The following ATP1B4 variants were observed in gnomAD, a reference collection of about 807,000 sequenced individuals.
ATP1B4 encodes protein ATP1B4.
A neutral mutation model predicts 29.6 loss-of-function variants in ATP1B4; 32 were observed. The ratio of observed to expected loss-of-function variants is 1.08; its 90% confidence interval spans 0.82 to 1.45. ATP1B4 has a LOEUF of 1.45. Ranked by LOEUF, ATP1B4 falls within the 40% of genes most tolerant of loss-of-function variation. The pLI is 0.00. For synonymous variants in ATP1B4, 127 were observed against 102.1 expected, an observed-to-expected ratio of 1.24 and a Z score of -1.47; for missense variants, 323 against 276.2, an observed-to-expected ratio of 1.17 and a Z score of -1.20.
rs913697777 is a variant in ATP1B4 at position 120,374,244 on chromosome X, G to A, written c.563-1128G>A. Among the ~76,000 whole-genome samples the A allele has an allele frequency of 2.7e-5, 3 of 109,429 alleles. No homozygotes were observed. In the South Asian group the frequency reaches 1.2e-3, roughly 43 times the overall value. On this transcript the variant is annotated intron_variant, in intron 4 of 7. Coordinates refer to ENST00000218008, the MANE Select transcript of ATP1B4 (RefSeq NM_001142447.3). ...CCCCGCCAGTGGAGACAGTACCAGA[G>A]TCGGCCTCCAGCCCAAGAGAACTAG...
At chrX:120,371,304 C>A in intron 4 of ATP1B4, 94 bp downstream of exon 4, 1 of 664,315 alleles carries the variant, frequency 1.5e-6, no homozygotes, top group South Asian at 2.4e-5. Context: ...GAATCCCAGT[C>A]TTACTAACCC....
intron 6 of ATP1B4, among the ~76,000 whole-genome samples, chrX:120,377,588 G>T (rs1379861108): frequency 2.7e-5 from 3 of 112,318 alleles, no homozygotes; most frequent in African/African-American, 9.7e-5. Flanking sequence ...TAACTGGACA[G>T]AGTTCTACTT....
At chrX:120,374,255 G>A (rs1165309639) in intron 4 of ATP1B4, among the ~76,000 whole-genome samples, 1 of 108,684 alleles carries the variant, frequency 9.2e-6, no homozygotes, top group South Asian at 3.9e-4. Flanking sequence ...TCGGCCTCCA[G>A]CCCAAGAGAA....
At chrX:120,375,202 G>A (rs983503863) in intron 4 of ATP1B4, among the ~76,000 whole-genome samples, 170 bp from the exon 5 acceptor site, 2 of 90,317 alleles carry the variant, frequency 2.2e-5, no homozygotes, top group Non-Finnish European at 4.7e-5. Context: ...GATGGCTGCC[G>A]ATGAAGGCTG....
At chrX:120,374,960 C>G (rs1021712828) in intron 4 of ATP1B4, among the ~76,000 whole-genome samples, 1 of 101,801 alleles carries the variant, frequency 9.8e-6, no homozygotes, top group Non-Finnish European at 2.0e-5. Context: ...TTCAGTCCCT[C>G]TTCCAAAATC....
chrX:120,376,036 T>C (rs947630068), intron 5 of ATP1B4, among the ~76,000 whole-genome samples: 2 of 111,767 alleles, frequency 1.8e-5, no homozygotes, highest in Non-Finnish European at 3.8e-5. Context: ...TCTTATATCA[T>C]AAAAATGCAT....
chrX:120,362,487 T>G (rs2058267084), intron 1 of ATP1B4, among the ~76,000 whole-genome samples: 1 of 111,709 alleles, frequency 9.0e-6, no homozygotes, highest in Non-Finnish European at 1.9e-5. Context: ...TAACAGAGAA[T>G]AAGTGGCTTC....
Position 120,379,315 on chromosome X carries a change from T to C in ATP1B4, c.913-158T>C, listed in dbSNP as rs1186323931. On this transcript the variant is annotated intron_variant, in intron 7 of 7. Coordinates refer to ENST00000218008, the MANE Select transcript of ATP1B4 (RefSeq NM_001142447.3). Reference sequence around the variant, plus strand: ...GTATGATTTTCCCACACTTTCCCACTGCAAGGAGAGTATGTCTGTTGCTTT... The same window carrying C: ...GTATGATTTTCCCACACTTTCCCACCGCAAGGAGAGTATGTCTGTTGCTTT... Among the ~76,000 whole-genome samples the C allele has an allele frequency of 3.6e-5, 4 of 111,982 alleles. No individual in the cohort carries two copies. The Admixed American group carries it at 3.8e-4, about 11-fold the overall frequency.
At position 120,366,603 on chromosome X, in the gene ATP1B4, G is replaced by A. The variant is rs766686718; in HGVS notation, c.142G>A (p.Val48Met). The change falls in exon 2 of 8, where the codon GTG becomes ATG. Residue 48 changes from valine (V) to methionine (M), a missense_variant. Coordinates refer to ENST00000218008, the MANE Select transcript of ATP1B4 (RefSeq NM_001142447.3). ...EAEEEARVTVVPKSEEEEEEE... is the reference protein window; with the variant it reads ...EAEEEARVTVMPKSEEEEEEE... ...AGAAGAAGAGGCTCGGGTGACGGTG[G>A]TGCCCAAATCGGAGGAGGAGGAAGA... 5.8e-6 allele frequency: 7 copies of A among 1,203,956 alleles called. No homozygotes were observed. Among genetic ancestry groups the A allele is most frequent in the South Asian group, 3.5e-5 (2 of 56,729 alleles).
intron 3 of ATP1B4, 87 bp from the exon 4 acceptor site, chrX:120,371,019 C>A: frequency 9.7e-7 from 1 of 1,035,996 alleles, no homozygotes; most frequent in Non-Finnish European, 1.3e-6. Flanking sequence ...TTTTGATTGC[C>A]TGGGGGGAAA....
intron 6 of ATP1B4, 136 bp downstream of exon 6, chrX:120,376,572 G>T: frequency 5.8e-6 from 3 of 517,665 alleles, no homozygotes; most frequent in East Asian, 7.2e-5. Context: ...CCTCTCTTTA[G>T]TTCCTTCAGG....
At chrX:120,375,011 A>T (rs1452222279) in intron 4 of ATP1B4, among the ~76,000 whole-genome samples, 1 of 105,771 alleles carries the variant, frequency 9.5e-6, no homozygotes, top group Non-Finnish European at 1.9e-5. Flanking sequence ...AGTAGAAGGG[A>T]CAGCCTTCCA....
chrX:120,378,754 A>G lies in ATP1B4; in HGVS notation c.893A>G (p.Tyr298Cys). The part of the protein sequence containing the change: ...SASFDLRYYP[Y>C]YGKLTHVNYT... ...TCTTTTGACCTCCGCTACTACCCTTACTACGGCAAACTGACTCACGTAAGC... is the reference window on the plus strand; with the variant it reads ...TCTTTTGACCTCCGCTACTACCCTTGCTACGGCAAACTGACTCACGTAAGC... Residue 298 changes from tyrosine (Y) to cysteine (C), a missense_variant, in exon 7 of 8, where the codon TAC becomes TGC. Transcript: ENST00000218008. The G allele has an allele frequency of 8.3e-7, 1 of 1,208,799 alleles. No individual in the cohort carries two copies. Among genetic ancestry groups the G allele is most frequent in the Non-Finnish European group, 1.1e-6 (1 of 893,175 alleles).
intron 5 of ATP1B4, among the ~76,000 whole-genome samples, 162 bp from the exon 6 acceptor site, chrX:120,376,218 A>G (rs888419136): frequency 1.8e-5 from 2 of 111,617 alleles, no homozygotes; most frequent in Non-Finnish European, 3.8e-5. Flanking sequence ...AGCTCTGAAG[A>G]TGTTTTTCAT....
In ATP1B4 at chrX:120,371,164, C is replaced by T. The variant is rs376920861; in HGVS notation, c.516C>T (p.Pro172=). Residue 172 remains proline, a synonymous_variant, in exon 4 of 8, where the codon CCC becomes CCT. Transcript: ENST00000218008. The part of the protein sequence containing the change: ...SLNFNFNVSE[P]DTWQHYVISL... ...ACTTCAACTTCAACGTTTCTGAACC[C>T]GACACTTGGCAGCATTATGTGATTA... 8.3e-6 allele frequency: 10 copies of T among 1,210,965 alleles called. No individual in the cohort carries two copies. Among genetic ancestry groups the T allele is most frequent in the Admixed American group, 4.4e-5 (2 of 45,977 alleles).
rs1002514198 is a variant in ATP1B4, at chrX:120,362,337, C to T, written c.63+106C>T. ...GGTTTACGGCTGCCTCTCTTTGAGA[C>T]GGGCAGAAACAGCGAAGTTTAGGGG... On this transcript the variant is annotated intron_variant, in intron 1 of 7. Transcript: ENST00000218008. 2.6e-5 allele frequency: 20 copies of T among 762,942 alleles called. No individual in the cohort carries two copies. In the East Asian group the frequency reaches 2.9e-4, roughly 11 times the overall value. 62.9% of individuals were successfully genotyped at this position (762,942 alleles called of 1,213,427 possible).
intron 7 of ATP1B4, 143 bp from the exon 8 acceptor site, chrX:120,379,330 T>C (rs1366230495): frequency 4.1e-6 from 2 of 493,115 alleles, no homozygotes; most frequent in Non-Finnish European, 6.7e-6. Context: ...GGAGAGTATG[T>C]CTGTTGCTTT....
chrX:120,370,699 T>G lies in ATP1B4; in HGVS notation c.329-16T>G. On this transcript the variant is annotated splice_polypyrimidine_tract_variant and intron_variant, in intron 2 of 7. Coordinates refer to ENST00000218008, the MANE Select transcript of ATP1B4 (RefSeq NM_001142447.3). The stretch of plus-strand genomic sequence containing the variant: ...TTGGCAAGCACTGACCACTCTCATC[T>G]GTGATTGCTCTGCAGGCCTGATCTT... The G allele has an allele frequency of 8.3e-7, 1 of 1,209,155 alleles. No homozygotes were observed. The highest frequency in any genetic ancestry group is 1.8e-5 in the South Asian group (1 of 56,375).
intron 4 of ATP1B4, among the ~76,000 whole-genome samples, chrX:120,373,524 A>G (rs1157982598): frequency 8.9e-6 from 1 of 112,162 alleles, no homozygotes; most frequent in African/African-American, 3.2e-5. Flanking sequence ...GCTACTTTGA[A>G]CATTAATACA....
Sources: gnomAD v4.1 joint callset for allele counts (sites outside exome capture counted in the v4.1 genomes callset) on GRCh38, gnomAD v4.1.1 for gene constraint, MANE v1.5 for transcripts, NCBI Gene and HGNC (gene_info 2026-07-23, HGNC 2026-07-21) for gene names.